The following PSORS1C1 variants were observed in gnomAD, a reference collection of about 807,000 sequenced individuals.
The protein encoded by PSORS1C1 is psoriasis susceptibility 1 candidate gene 1 protein.
PSORS1C1 carries 7 observed loss-of-function variants against 9.4 expected under a neutral mutation model. The ratio of observed to expected loss-of-function variants is 0.75; its 90% CI spans 0.42 to 1.40. The LOEUF (loss-of-function observed/expected upper bound fraction) is 1.40, where lower values mean the gene tolerates loss of function less well. Among genes scored for constraint, PSORS1C1 ranks in the 40% most tolerant of loss-of-function variants. The pLI is 0.01. For synonymous variants in PSORS1C1, 63 were observed against 69.4 expected (o/e 0.91, Z 0.46); for missense variants, 146 against 178.1 (o/e 0.82, Z 1.02).
chr6:31,120,390 C>T (rs772462110), intron 1 of PSORS1C1: 2 of 1,593,674 alleles, frequency 1.3e-6, no homozygotes, highest in Non-Finnish European at 1.7e-6. Flanking sequence ...CACCCACACG[C>T]CCCATCCAGG....
chr6:31,120,949 C>T (rs1159959679), intron 1 of PSORS1C1, among the ~76,000 whole-genome samples: 1 of 145,780 alleles, frequency 6.9e-6, no homozygotes, highest in Non-Finnish European at 1.5e-5. Flanking sequence ...TCCTTAGGAC[C>T]CCATCACTCC....
chr6:31,138,676 C>T lies in PSORS1C1; in HGVS notation c.64C>T (p.Gln22Ter), dbSNP rs752750792. 6.2e-7 allele frequency: 1 copy of T among 1,613,342 alleles called. No individual in the cohort carries two copies. Among genetic ancestry groups the T allele is most frequent in the Non-Finnish European group, 8.5e-7 (1 of 1,179,932 alleles). Residue 22 changes from glutamine (Q) to a stop codon, truncating the protein, a stop_gained, in exon 5 of 6, where the codon CAA (glutamine) becomes TAA (stop). Coordinates refer to ENST00000259881, the MANE Select transcript of PSORS1C1 (RefSeq NM_014068.3). LOFTEE classifies it high-confidence loss of function. ...RALGTQTPAL[Q>*]GPQLLNTDPS... ...CCCAGGCACACAGACCCCAGCTTTA[C>T]AAGGACCCCAGCTCCTTAACACAGA...
Position 31,139,557 on chromosome 6 carries a change from C to T in PSORS1C1, c.168-84C>T, listed in dbSNP as rs917808070. 2.9e-6 allele frequency: 4 copies of T among 1,401,534 alleles called. No homozygotes were observed. The highest frequency in any genetic ancestry group is 1.3e-5 in the South Asian group (1 of 76,164). 86.8% of individuals were successfully genotyped at this position (1,401,534 alleles called of 1,614,324 possible). A position where few individuals can be genotyped will look rare whatever the true frequency, so the allele number is the denominator to read the frequency against. On this transcript the variant is annotated intron_variant, in intron 5 of 5. Transcript: ENST00000259881. This position sits in a 1 kb window ranked among gnomAD's most constrained non-coding sequence, Gnocchi z 5.2. ...CCCACTCACCCCCGCACTGAAAGCT[C>T]CCCCTGGGGCTTCGTGCTTTCCTGG... is the stretch of plus-strand genomic sequence containing the variant.
chr6:31,137,070 C>G (rs2150977038), intron 3 of PSORS1C1, among the ~76,000 whole-genome samples: 1 of 152,138 alleles, frequency 6.6e-6, no homozygotes, highest in South Asian at 2.1e-4. Flanking sequence ...ATGGCTTGAA[C>G]CCGGGAGGCG....
At chr6:31,116,162 G>A (rs1357471241) in intron 1 of PSORS1C1, 4 of 1,611,746 alleles carry the variant, frequency 2.5e-6, no homozygotes, top group African/African-American at 2.7e-5. Flanking sequence ...GAGCCACAGG[G>A]CTTGGCACCA....
chr6:31,130,825 G>T (rs1772879969), intron 3 of PSORS1C1, among the ~76,000 whole-genome samples: 1 of 151,852 alleles, frequency 6.6e-6, no homozygotes, highest in Non-Finnish European at 1.5e-5. Context: ...TAGGATTACA[G>T]GTGTGAGCCA....
chr6:31,117,444 A>G, intron 1 of PSORS1C1: 1 of 1,558,442 alleles, frequency 6.4e-7, no homozygotes, highest in Non-Finnish European at 8.7e-7. Flanking sequence ...CACCCTTCCC[A>G]GTGAGGCAGG....
Position 31,115,790 on chromosome 6 carries a change from C to T in PSORS1C1, c.-229+899C>T. 1 of 566,534 alleles carries T rather than the reference C, an allele frequency of 1.8e-6. No individual in the cohort carries two copies. The highest frequency in any genetic ancestry group is 3.1e-6 in the Non-Finnish European group (1 of 318,854). The allele number at this position is 566,534 out of a possible 1,614,324, so 35.1% of individuals were successfully genotyped here. A position where few individuals can be genotyped will look rare whatever the true frequency, so the allele number is the denominator to read the frequency against. On this transcript the variant is annotated intron_variant, in intron 1 of 5. Transcript: ENST00000259881. The surrounding 1 kb of genome is among the most constrained non-coding windows in gnomAD (Gnocchi z 4.2). Reference sequence around the variant, plus strand: ...CACTGTGGTGGAATGGGAATTTAAACAGTAGGAGAGAATCAAGAGAGGAGC... The same window carrying T: ...CACTGTGGTGGAATGGGAATTTAAATAGTAGGAGAGAATCAAGAGAGGAGC...
intron 1 of PSORS1C1, chr6:31,117,070 G>C (rs1160184261): frequency 6.2e-7 from 1 of 1,614,114 alleles, no homozygotes; most frequent in East Asian, 2.2e-5. Context: ...TCCGCGGTAA[G>C]AGTTGTCATT....
At chr6:31,132,518 G>A (rs1185722707) in intron 3 of PSORS1C1, among the ~76,000 whole-genome samples, 4 of 147,636 alleles carry the variant, frequency 2.7e-5, no homozygotes, top group Non-Finnish European at 4.5e-5. Flanking sequence ...GGGAGACTCC[G>A]TCTCAAAAAT....
At chr6:31,123,993 A>C (rs899963567) in intron 1 of PSORS1C1, among the ~76,000 whole-genome samples, 1 of 152,190 alleles carries the variant, frequency 6.6e-6, no homozygotes, top group African/African-American at 2.4e-5. Flanking sequence ...GTGGTGCTTC[A>C]GGTGTATTTA....
chr6:31,137,163 A>G (rs1404594852), intron 3 of PSORS1C1, among the ~76,000 whole-genome samples: 2 of 146,654 alleles, frequency 1.4e-5, no homozygotes, highest in East Asian at 4.0e-4. Flanking sequence ...AAAGAAAGAA[A>G]AAGAAGAAAG....
chr6:31,132,731 A>ACCAG (rs1002680394), intron 3 of PSORS1C1, among the ~76,000 whole-genome samples: 1 of 151,782 alleles, frequency 6.6e-6, no homozygotes, highest in Non-Finnish European at 1.5e-5. Flanking sequence ...CATCTATAGT[A>ACCAG]CCAGCTACTC....
intron 1 of PSORS1C1, among the ~76,000 whole-genome samples, chr6:31,121,797 T>C (rs896759916): frequency 3.3e-5 from 5 of 152,236 alleles, no homozygotes; most frequent in Non-Finnish European, 7.3e-5. Context: ...AGGATGGAAA[T>C]GTTTCCTGTC....
In PSORS1C1 at chr6:31,116,804, G is replaced by C; in HGVS notation, c.-229+1913G>C. 3 of 1,613,878 alleles carry C rather than the reference G, an allele frequency of 1.9e-6. No individual in the cohort carries two copies. In the South Asian group the frequency reaches 3.3e-5, roughly 18 times the overall value. ...GGAAGGCCACCATTGCTACAGGGGG[G>C]ACCTTGAACCACTCCAGGGGCACCA... On this transcript the variant is annotated intron_variant, in intron 1 of 5. Transcript: ENST00000259881.
intron 3 of PSORS1C1, among the ~76,000 whole-genome samples, chr6:31,132,961 A>G (rs1772983133): frequency 6.6e-6 from 1 of 150,918 alleles, no homozygotes; most frequent in Non-Finnish European, 1.5e-5. Flanking sequence ...GGGTACTGAC[A>G]CCTTCATATT....
chr6:31,117,650 A>G, intron 1 of PSORS1C1: 1 of 819,564 alleles, frequency 1.2e-6, no homozygotes, highest in Non-Finnish European at 2.0e-6. Flanking sequence ...GGGAGAGTTT[A>G]GGGATGGAGA....
chr6:31,115,814 G>A lies in PSORS1C1; in HGVS notation c.-229+923G>A, dbSNP rs1772077508. On this transcript the variant is annotated intron_variant, in intron 1 of 5. Transcript: ENST00000259881. This position sits in a 1 kb window ranked among gnomAD's most constrained non-coding sequence, Gnocchi z 4.2. ...ACAGTAGGAGAGAATCAAGAGAGGA[G>A]CTTTGAATCTACCATTTTGAGAAGA... 3.4e-6 allele frequency: 2 copies of A among 586,724 alleles called. No individual in the cohort carries two copies. Among genetic ancestry groups the A allele is most frequent in the South Asian group, 2.2e-5 (1 of 44,700 alleles). 36.3% of individuals were successfully genotyped at this position (586,724 alleles called of 1,614,324 possible). A position where few individuals can be genotyped will look rare whatever the true frequency, so the allele number is the denominator to read the frequency against.
chr6:31,138,955 C>T, intron 5 of PSORS1C1, 176 bp downstream of exon 5: 1 of 1,613,788 alleles, frequency 6.2e-7, no homozygotes, highest in Non-Finnish European at 8.5e-7. Context: ...CAGTCCCTGC[C>T]TCTGTTCCCA....
Sources: allele counts gnomAD v4.1 joint callset (sites outside exome capture counted in the v4.1 genomes callset), GRCh38; gene constraint gnomAD v4.1.1; non-coding constraint Gnocchi (gnomAD v3.1); transcripts MANE v1.5; gene names NCBI Gene and HGNC (gene_info 2026-07-23, HGNC 2026-07-21).